The following HERC2 variants were observed in gnomAD, a reference collection of about 807,000 sequenced individuals.
The protein encoded by HERC2 is HECT and RLD domain containing E3 ubiquitin protein ligase 2.
A neutral mutation model predicts 537.7 loss-of-function variants in HERC2; 102 were observed. The ratio of observed to expected loss-of-function variants is 0.19; its 90% CI spans 0.16 to 0.22. The LOEUF (loss-of-function observed/expected upper bound fraction) is 0.22. HERC2 is among the 10% of genes least tolerant of loss of function. The pLI is 1.00. For missense variants in HERC2, 4,236 were observed against 6,198.2 expected, an observed-to-expected ratio of 0.68 and a Z score of 10.63; for synonymous variants, 2,224 against 2,466.2, an observed-to-expected ratio of 0.90 and a Z score of 2.91.
intron 57 of HERC2, among the ~76,000 whole-genome samples, chr15:28,180,099 T>G (rs959913521): frequency 3.3e-5 from 5 of 152,230 alleles, no homozygotes; most frequent in African/African-American, 1.2e-4. Flanking sequence ...CAACTTCCAG[T>G]CCTGCAAACT....
chr15:28,134,231 G>A (rs1050160880), intron 79 of HERC2, among the ~76,000 whole-genome samples: 9 of 152,126 alleles, frequency 5.9e-5, no homozygotes, highest in African/African-American at 9.7e-5. Context: ...CTGGGAGAGG[G>A]TATTCTAAGT....
intron 65 of HERC2, among the ~76,000 whole-genome samples, chr15:28,169,961 C>G (rs74458218): frequency 0.038 from 5,817 of 152,274 alleles, 354 homozygotes; most frequent in African/African-American, 0.13. Context: ...CAATAACTAC[C>G]TGTATTTTCT....
At chr15:28,238,421 T>C (rs140173670) in intron 24 of HERC2, among the ~76,000 whole-genome samples, 181 bp downstream of exon 24, 97 of 152,266 alleles carry the variant, frequency 6.4e-4, no homozygotes, top group African/African-American at 2.3e-3. Flanking sequence ...AAAAAATGCA[T>C]AATCAAAGGA....
chr15:28,225,556 G>T (rs1194413447), intron 35 of HERC2, among the ~76,000 whole-genome samples: 1 of 151,720 alleles, frequency 6.6e-6, no homozygotes, highest in African/African-American at 2.4e-5. Flanking sequence ...AAATTAGCTG[G>T]GCGTGGTGGC....
intron 89 of HERC2, 90 bp from the exon 90 acceptor site, chr15:28,114,892 G>A: frequency 9.0e-7 from 1 of 1,108,064 alleles, no homozygotes; most frequent in East Asian, 2.5e-5. Flanking sequence ...TGTCAAGCAG[G>A]AACCAGGGTC....
At chr15:28,214,041 G>A (rs1157978048) in intron 41 of HERC2, 35 bp downstream of exon 41, 25 of 1,611,362 alleles carry the variant, frequency 1.6e-5, no homozygotes, top group Middle Eastern at 3.3e-4. Flanking sequence ...CAGGTTCACC[G>A]TTGAACTAAA....
intron 55 of HERC2, chr15:28,190,650 G>A: frequency 3.0e-6 from 1 of 332,092 alleles, no homozygotes; most frequent in Non-Finnish European, 5.4e-6. Context: ...GATATTTAAT[G>A]AAAACCGAAG....
intron 68 of HERC2, among the ~76,000 whole-genome samples, chr15:28,164,285 A>G (rs1348742270): frequency 6.6e-6 from 1 of 152,064 alleles, no homozygotes; most frequent in Non-Finnish European, 1.5e-5. Flanking sequence ...ACAGCCCCAC[A>G]TGTTCCCCTT....
chr15:28,176,868 C>T lies in HERC2; in HGVS notation c.9432+82G>A. 1 of 1,578,972 alleles carries T rather than the reference C, an allele frequency of 6.3e-7. No homozygotes were observed. The highest frequency in any genetic ancestry group is 8.7e-7 in the Non-Finnish European group (1 of 1,154,914). On this transcript the variant is annotated intron_variant, in intron 61 of 92. Transcript: ENST00000261609. The surrounding 1 kb of genome is among the most constrained non-coding windows in gnomAD (Gnocchi z 5.0). ...CCAACCATGCACACATCTTTATGAA[C>T]TTTCCTAGACTTGAAGCTTATTTTC...
rs200380652 is a variant in HERC2 at position 28,268,456 on chromosome 15, G to A, written c.1598+9C>T. On this transcript the variant is annotated intron_variant, in intron 12 of 92. Transcript: ENST00000261609. The surrounding 1 kb of genome is among the most constrained non-coding windows in gnomAD (Gnocchi z 4.7). ...GAGTGTGTCCCCTACAGGAATAAGC[G>A]ATACATACACAGTGTCCCCATGGCC... is the stretch of plus-strand genomic sequence containing the variant. The A allele has an allele frequency of 2.0e-4, 324 of 1,611,522 alleles. 1 individual carries two copies. The highest frequency in any genetic ancestry group is 1.9e-3 in the African/African-American group (140 of 74,954).
chr15:28,283,134 G>A (rs1356586755), intron 4 of HERC2, among the ~76,000 whole-genome samples: 2 of 151,548 alleles, frequency 1.3e-5, no homozygotes, highest in Non-Finnish European at 2.9e-5. Flanking sequence ...AAGAAGGTGG[G>A]GTTGAAACTG....
intron 55 of HERC2, chr15:28,190,724 G>GT: frequency 1.8e-6 from 1 of 557,820 alleles, no homozygotes; most frequent in Non-Finnish European, 3.2e-6. Flanking sequence ...CAGTTACCAA[G>GT]TATACCTCTG....
chr15:28,175,888 C>T (rs1444648003), intron 63 of HERC2, among the ~76,000 whole-genome samples: 2 of 152,168 alleles, frequency 1.3e-5, no homozygotes, highest in Non-Finnish European at 2.9e-5. Context: ...ATTTAAGTTA[C>T]TGTTGTAGGT....
At chr15:28,266,713 G>T (rs1251737289) in intron 12 of HERC2, among the ~76,000 whole-genome samples, 1 of 152,090 alleles carries the variant, frequency 6.6e-6, no homozygotes, top group Non-Finnish European at 1.5e-5. Context: ...TTATGGAAAA[G>T]ACAAAATAAT....
intron 2 of HERC2, among the ~76,000 whole-genome samples, chr15:28,312,533 C>T (rs1166795032): frequency 6.6e-6 from 1 of 152,102 alleles, no homozygotes; most frequent in Non-Finnish European, 1.5e-5. Context: ...CAGGAGGCTA[C>T]AGCAGGACGG....
intron 78 of HERC2, among the ~76,000 whole-genome samples, chr15:28,139,788 C>T (rs944553747): frequency 1.4e-4 from 21 of 151,756 alleles, no homozygotes; most frequent in Admixed American, 1.3e-4. Context: ...TGGCCGGGCA[C>T]GGTAGCTCAT....
In HERC2 at chr15:28,265,511, C is replaced by A; in HGVS notation, c.1870+107G>T. 1.2e-6 allele frequency: 1 copy of A among 861,234 alleles called. No individual in the cohort carries two copies. The highest frequency in any genetic ancestry group is 1.9e-6 in the Non-Finnish European group (1 of 533,524). The allele number at this position is 861,234 out of a possible 1,614,324, so 53.3% of individuals were successfully genotyped here. On this transcript the variant is annotated intron_variant, in intron 14 of 92. Transcript: ENST00000261609. The surrounding 1 kb of genome is among the most constrained non-coding windows in gnomAD (Gnocchi z 4.0). ...ACTGAGCCCCACACCCACTGGGCGA[C>A]AGGGTGGGTGGCCTCGTGAGGCCCA... is the stretch of plus-strand genomic sequence containing the variant.
At chr15:28,192,906 A>T (rs1357961478) in intron 52 of HERC2, among the ~76,000 whole-genome samples, 1 of 151,030 alleles carries the variant, frequency 6.6e-6, no homozygotes, top group Non-Finnish European at 1.5e-5. Context: ...GTCAGAGTGA[A>T]CTATGAAGGG....
At chr15:28,238,554 T>A in intron 24 of HERC2, 48 bp downstream of exon 24, 1 of 1,473,246 alleles carries the variant, frequency 6.8e-7, no homozygotes, top group Non-Finnish European at 9.4e-7. Context: ...CTGCTTAAAA[T>A]GATATAGGTT....
Sources: gnomAD v4.1 joint callset for allele counts (sites outside exome capture counted in the v4.1 genomes callset) on GRCh38, gnomAD v4.1.1 for gene constraint, Gnocchi (gnomAD v3.1) non-coding constraint, MANE v1.5 for transcripts, NCBI Gene and HGNC (gene_info 2026-07-23, HGNC 2026-07-21) for gene names.